The following SKAP2 variants were observed in gnomAD, a reference collection of about 807,000 sequenced individuals.
SKAP2 encodes src kinase associated phosphoprotein 2.
SKAP2 carries 28 observed loss-of-function variants against 54.9 expected under a neutral mutation model. That is an observed-to-expected ratio of 0.51 (90% CI 0.38 to 0.70). The LOEUF is 0.70. Among genes scored for constraint, SKAP2 ranks in the 30% least tolerant of loss-of-function variants. SKAP2 has a pLI of 0.00. For synonymous variants in SKAP2, 137 were observed against 134.3 expected (o/e 1.02, Z -0.14); for missense variants, 356 against 424.1 (o/e 0.84, Z 1.41).
intron 1 of SKAP2, among the ~76,000 whole-genome samples, chr7:26,863,787 G>A (rs1562640259): frequency 6.6e-6 from 1 of 152,124 alleles, no homozygotes; most frequent in Non-Finnish European, 1.5e-5. Flanking sequence ...GGCCATTTGA[G>A]AACCAGACCT....
chr7:26,774,473 T>C (rs1019672204), intron 4 of SKAP2, among the ~76,000 whole-genome samples: 43 of 151,496 alleles, frequency 2.8e-4, no homozygotes, highest in African/African-American at 1.0e-3. Context: ...ATGCGAAGTG[T>C]CAGTGGAAGA....
chr7:26,754,573 T>A (rs1404266884), intron 4 of SKAP2, among the ~76,000 whole-genome samples: 1 of 152,202 alleles, frequency 6.6e-6, no homozygotes, highest in African/African-American at 2.4e-5. Context: ...CTAAGAGTTG[T>A]CATTACCAGA....
intron 11 of SKAP2, among the ~76,000 whole-genome samples, chr7:26,682,729 T>C (rs1334781735): frequency 6.6e-6 from 1 of 152,222 alleles, no homozygotes; most frequent in Non-Finnish European, 1.5e-5. Context: ...GATGGAAGTA[T>C]GTGCTTCCCA....
In SKAP2 at chr7:26,778,856, T is replaced by C. The variant is rs926072289; in HGVS notation, c.308-38892A>G. 6.6e-5 allele frequency among the ~76,000 whole-genome samples: 10 copies of C among 152,070 alleles called. No individual in the cohort carries two copies. The East Asian group carries it at 1.9e-3, about 29-fold the overall frequency. On this transcript the variant is annotated intron_variant, in intron 4 of 12. Coordinates refer to ENST00000345317, the MANE Select transcript of SKAP2 (RefSeq NM_003930.5). ...TTTATTTCCTCTCCAATATTTGATATAACTTTTGAAGTAAATAAATGAATT... is the reference window on the plus strand; with the variant it reads ...TTTATTTCCTCTCCAATATTTGATACAACTTTTGAAGTAAATAAATGAATT...
chr7:26,718,361 A>T (rs113299717), intron 9 of SKAP2, among the ~76,000 whole-genome samples: 242 of 152,156 alleles, frequency 1.6e-3, no homozygotes, highest in African/African-American at 5.6e-3. Flanking sequence ...AATAAAAAGG[A>T]TCTCTTTTTT....
At chr7:26,689,097 C>T (rs755405514) in intron 10 of SKAP2, among the ~76,000 whole-genome samples, 1 of 152,132 alleles carries the variant, frequency 6.6e-6, no homozygotes, top group Non-Finnish European at 1.5e-5. Context: ...CTGTCCAGGT[C>T]TAGAATCAGG....
chr7:26,723,167 A>T (rs186917484), intron 9 of SKAP2, among the ~76,000 whole-genome samples: 75 of 152,356 alleles, frequency 4.9e-4, no homozygotes, highest in African/African-American at 1.3e-3. Context: ...TGTTTTAATT[A>T]AAAAAGTTAC....
intron 4 of SKAP2, among the ~76,000 whole-genome samples, chr7:26,741,241 G>A (rs993834480): frequency 6.6e-6 from 1 of 151,802 alleles, no homozygotes; most frequent in Non-Finnish European, 1.5e-5. Context: ...AAGTGGCCGG[G>A]TGCAATGGCT....
intron 4 of SKAP2, among the ~76,000 whole-genome samples, chr7:26,784,793 T>C (rs1030737099): frequency 6.6e-6 from 1 of 152,166 alleles, no homozygotes; most frequent in African/African-American, 2.4e-5. Flanking sequence ...GTAAAGTTTT[T>C]CCCTCTCCTG....
chr7:26,863,179 C>T (rs1353190041), intron 1 of SKAP2, among the ~76,000 whole-genome samples: 1 of 152,094 alleles, frequency 6.6e-6, no homozygotes, highest in Non-Finnish European at 1.5e-5. Flanking sequence ...CTTAATATTA[C>T]ACTACCATAT....
intron 11 of SKAP2, among the ~76,000 whole-genome samples, chr7:26,671,312 T>C (rs1786232389): frequency 6.6e-6 from 1 of 152,132 alleles, no homozygotes; most frequent in South Asian, 2.1e-4. Context: ...TTTAATAGGT[T>C]ATGATTTTCC....
At chr7:26,779,310 A>C (rs1783377243) in intron 4 of SKAP2, among the ~76,000 whole-genome samples, 1 of 152,032 alleles carries the variant, frequency 6.6e-6, no homozygotes, top group South Asian at 2.1e-4. Context: ...TTTTACTTAC[A>C]GACAGAATAC....
rs1430671003 is a variant in SKAP2 at position 26,858,608 on chromosome 7, C to T, written c.68-3718G>A. Reference sequence around the variant, plus strand: ...AATAGTACTCCAATCTTCCTTTTTCCCCCCTTTTAACATATAGACCTCCTA... The same window carrying T: ...AATAGTACTCCAATCTTCCTTTTTCTCCCCTTTTAACATATAGACCTCCTA... On this transcript the variant is annotated intron_variant, in intron 1 of 12. Transcript: ENST00000345317. Among the ~76,000 whole-genome samples, 3 of 152,088 alleles carry T rather than the reference C, an allele frequency of 2.0e-5. No individual in the cohort carries two copies. In the East Asian group the frequency reaches 5.8e-4, roughly 29 times the overall value.
intron 9 of SKAP2, 95 bp from the exon 10 acceptor site, chr7:26,690,457 TAACAC>T: frequency 1.3e-6 from 1 of 752,820 alleles, no homozygotes; most frequent in Non-Finnish European, 2.3e-6. Flanking sequence ...TAAAAGTTTA[TAACAC>T]ATAAACATTA....
At chr7:26,820,230 T>C (rs1784361302) in intron 4 of SKAP2, among the ~76,000 whole-genome samples, 1 of 152,214 alleles carries the variant, frequency 6.6e-6, no homozygotes, top group Non-Finnish European at 1.5e-5. Context: ...TTTTTAAAAC[T>C]GTTAATAATT....
At chr7:26,860,076 C>T (rs752225079) in intron 1 of SKAP2, among the ~76,000 whole-genome samples, 1 of 152,116 alleles carries the variant, frequency 6.6e-6, no homozygotes, top group Non-Finnish European at 1.5e-5. Context: ...GCAATAAGCC[C>T]ATTTGCAAAT....
rs1785334289 is a variant in SKAP2 at position 26,864,481 on chromosome 7, G to A, written c.-52C>T. 1 of 1,551,638 alleles carries A rather than the reference G, an allele frequency of 6.4e-7. No individual in the cohort carries two copies. The highest frequency in any genetic ancestry group is 2.3e-5 in the East Asian group (1 of 42,750). On this transcript the variant is annotated 5_prime_UTR_variant, in exon 1 of 13. Transcript: ENST00000345317. The stretch of plus-strand genomic sequence containing the variant: ...AAGGACCTGCGCTGAAAAGGTGACC[G>A]ACGGGGTGGGGCTGCGGCTGCGACC...
chr7:26,804,619 G>A (rs200707435), intron 4 of SKAP2, among the ~76,000 whole-genome samples: 5 of 151,476 alleles, frequency 3.3e-5, no homozygotes, highest in Admixed American at 6.6e-5. Flanking sequence ...CGCACCTGTA[G>A]TCCCAGCTAC....
At chr7:26,659,554 A>G in the SKAP2 span, among the ~76,000 whole-genome samples, 4 of 152,204 alleles carry the variant, frequency 2.6e-5, no homozygotes, top group Non-Finnish European at 5.9e-5. Context: ...TTATTGTAAT[A>G]ATGAGATGTT....
Sources: allele counts gnomAD v4.1 joint callset (sites outside exome capture counted in the v4.1 genomes callset), GRCh38; gene constraint gnomAD v4.1.1; transcripts MANE v1.5; gene names NCBI Gene and HGNC (gene_info 2026-07-23, HGNC 2026-07-21).